The following SUMF1 variants were observed in gnomAD, a reference collection of about 807,000 sequenced individuals.
The protein encoded by SUMF1 is formylglycine-generating enzyme.
Under a neutral mutation model 47.6 loss-of-function variants are expected in SUMF1, and 48 were observed. The ratio of observed to expected loss-of-function variants is 1.01; its 90% confidence interval spans 0.80 to 1.28. The LOEUF is 1.28. Ranked by LOEUF, SUMF1 falls within the 50% of genes most tolerant of loss-of-function variation. The pLI is 0.00. For missense variants in SUMF1, 571 were observed against 485.4 expected, an observed-to-expected ratio of 1.18 and a Z score of -1.66; for synonymous variants, 230 against 192.1, an observed-to-expected ratio of 1.20 and a Z score of -1.63.
intron 9 of SUMF1, among the ~76,000 whole-genome samples, chr3:4,059,312 T>G (rs1056667448): frequency 2.0e-5 from 3 of 152,116 alleles, no homozygotes; most frequent in Admixed American, 1.3e-4. Context: ...AGCAGTGTAT[T>G]TTATCTGTAC....
In SUMF1 at chr3:4,447,443, G is replaced by C. The variant is rs146919447; in HGVS notation, c.519+1823C>G. Among the ~76,000 whole-genome samples the C allele has an allele frequency of 3.7e-4, 56 of 152,198 alleles. 1 individual carries two copies. Among genetic ancestry groups the C allele is most frequent in the African/African-American group, 1.3e-3 (52 of 41,510 alleles). On this transcript the variant is annotated intron_variant, in intron 3 of 8. Transcript: ENST00000272902. Reference sequence around the variant, plus strand: ...ATCAAGTCTTGAAAGACACCTAAAAGGAAAGTGCTTTCTCACTATGTGATT... The same window carrying C: ...ATCAAGTCTTGAAAGACACCTAAAACGAAAGTGCTTTCTCACTATGTGATT...
intron 8 of SUMF1, among the ~76,000 whole-genome samples, chr3:4,070,210 T>A (rs565214008): frequency 8.5e-5 from 13 of 152,314 alleles, no homozygotes; most frequent in Non-Finnish European, 1.6e-4. Flanking sequence ...CTTAAATGTA[T>A]TTGATTGATG....
rs1359106679 is a variant in SUMF1, at chr3:4,420,137, C to G, written c.529G>C (p.Ala177Pro). 6.2e-7 allele frequency: 1 copy of G among 1,613,972 alleles called. No homozygotes were observed. Residue 177 changes from alanine (A) to proline (P), a missense_variant, in exon 4 of 9, where the codon GCT (alanine) becomes CCT (proline). Coordinates refer to ENST00000272902, the MANE Select transcript of SUMF1 (RefSeq NM_182760.4). ...CCTTTCACAGGTAACCACCAGGGAG[C>G]AGCTGCAACCTCAAAGCAACCCAGA... ...KTNIQQAVAA[A>P]PWWLPVKGAN... is the part of the protein sequence containing the mutation.
chr3:4,411,705 G>GAAAAAA (rs35731250), intron 6 of SUMF1, among the ~76,000 whole-genome samples: 1 of 114,250 alleles, frequency 8.8e-6, no homozygotes, highest in Non-Finnish European at 1.8e-5. Context: ...AGAGCAGGAG[G>GAAAAAA]AAAAAAAAAA....
At chr3:4,369,088 A>G (rs1289083696) in intron 8 of SUMF1, among the ~76,000 whole-genome samples, 2 of 152,036 alleles carry the variant, frequency 1.3e-5, no homozygotes, top group Non-Finnish European at 2.9e-5. Flanking sequence ...CTCTCAGAAA[A>G]GTAAAATGCT....
At chr3:4,203,150 T>C (rs1312725613) in intron 8 of SUMF1, among the ~76,000 whole-genome samples, 1 of 151,890 alleles carries the variant, frequency 6.6e-6, no homozygotes. Context: ...TCTTTGTTGG[T>C]TTTCTGTCTA....
Position 4,467,076 on chromosome 3 carries a change from C to G in SUMF1, c.170G>C (p.Arg57Pro). 6.4e-7 allele frequency: 1 copy of G among 1,564,716 alleles called. No homozygotes were observed. Among genetic ancestry groups the G allele is most frequent in the East Asian group, 2.4e-5 (1 of 41,932 alleles). ...TGCCGAACTGCCATGGGCGCCAGGC[C>G]GCTGGGGCGTGCCGCAGCCGCAAGA... ...AGSCGCGTPQ[R>P]PGAHGSSAAA... Residue 57 changes from arginine (R) to proline (P), a missense_variant, in exon 1 of 9, where the codon CGG (arginine) becomes CCG (proline). Coordinates refer to ENST00000272902, the MANE Select transcript of SUMF1 (RefSeq NM_182760.4).
intron 8 of SUMF1, among the ~76,000 whole-genome samples, chr3:4,145,838 G>C (rs1006287163): frequency 6.6e-6 from 1 of 152,118 alleles, no homozygotes; most frequent in African/African-American, 2.4e-5. Flanking sequence ...TCTGTCAAAA[G>C]GCTTCCCAGC....
intron 8 of SUMF1, among the ~76,000 whole-genome samples, chr3:4,085,375 A>G (rs636057): frequency 0.27 from 41,120 of 151,826 alleles, 5,794 homozygotes; most frequent in Admixed American, 0.32. Flanking sequence ...AAATTTGGGG[A>G]CCAGAGCTTA....
intron 8 of SUMF1, among the ~76,000 whole-genome samples, chr3:4,123,347 G>T (rs1206774129): frequency 6.6e-6 from 1 of 152,146 alleles, no homozygotes; most frequent in Non-Finnish European, 1.5e-5. Context: ...ACAGAGCTAA[G>T]TTCCATATTC....
At chr3:4,053,013 C>A (rs1270018028) in intron 9 of SUMF1, among the ~76,000 whole-genome samples, 1 of 152,146 alleles carries the variant, frequency 6.6e-6, no homozygotes, top group African/African-American at 2.4e-5. Flanking sequence ...GGCAAAAGAG[C>A]TCTAGCTTTT....
At chr3:4,103,973 T>C (rs1693098187) in intron 8 of SUMF1, among the ~76,000 whole-genome samples, 3 of 152,178 alleles carry the variant, frequency 2.0e-5, no homozygotes, top group Non-Finnish European at 4.4e-5. Flanking sequence ...ACCTAAGTTT[T>C]TGTCTTTACA....
intron 3 of SUMF1, among the ~76,000 whole-genome samples, chr3:4,420,895 C>T (rs1033337858): frequency 3.3e-5 from 5 of 152,146 alleles, no homozygotes; most frequent in African/African-American, 1.2e-4. Context: ...TTCAAAAGAC[C>T]CCGATTCAAC....
chr3:4,394,469 T>G (rs1700977681), intron 7 of SUMF1, among the ~76,000 whole-genome samples: 1 of 152,114 alleles, frequency 6.6e-6, no homozygotes, highest in South Asian at 2.1e-4. Context: ...CATACTGAAG[T>G]TTTCTAGGGA....
intron 8 of SUMF1, among the ~76,000 whole-genome samples, chr3:4,073,283 G>C (rs1231012499): frequency 6.6e-6 from 1 of 152,156 alleles, no homozygotes; most frequent in Non-Finnish European, 1.5e-5. Context: ...AGAAGCAAAT[G>C]CTGAGAGATT....
chr3:4,102,716 G>C (rs974849292), intron 8 of SUMF1, among the ~76,000 whole-genome samples: 6 of 152,018 alleles, frequency 3.9e-5, no homozygotes, highest in Middle Eastern at 3.2e-3. Flanking sequence ...TGTACCTTAA[G>C]CTCTACAAGG....
intron 8 of SUMF1, among the ~76,000 whole-genome samples, chr3:4,162,607 A>G (rs1694604010): frequency 6.6e-6 from 1 of 152,148 alleles, no homozygotes; most frequent in South Asian, 2.1e-4. Flanking sequence ...GTTTCAATGT[A>G]AAGTCCTTCA....
chr3:4,132,730 T>TAAGTC lies in SUMF1; in HGVS notation c.1015-63990_1015-63986dup, dbSNP rs550752002. On this transcript the variant is annotated intron_variant and NMD_transcript_variant, in intron 8 of 12. Transcript: ENST00000448413. ...GGACACTTTGGGCTCCTCCGACCTT[T>TAAGTC]AAGTCAACAGGCTAAGAAGGGAGTT... Among the ~76,000 whole-genome samples the TAAGTC allele has an allele frequency of 1.3e-3, 196 of 152,226 alleles. 2 individuals carry two copies. The highest frequency in any genetic ancestry group is 4.5e-3 in the African/African-American group (185 of 41,516).
At chr3:4,089,203 T>C (rs1692733201) in intron 8 of SUMF1, among the ~76,000 whole-genome samples, 1 of 152,106 alleles carries the variant, frequency 6.6e-6, no homozygotes, top group African/African-American at 2.4e-5. Flanking sequence ...CTGGACATGG[T>C]GTTTGCATAG....
Sources: gnomAD v4.1 joint callset for allele counts (sites outside exome capture counted in the v4.1 genomes callset) on GRCh38, gnomAD v4.1.1 for gene constraint, MANE v1.5 for transcripts, NCBI Gene and HGNC (gene_info 2026-07-23, HGNC 2026-07-21) for gene names.